The following EPG5 variants were observed in gnomAD, a reference collection of about 807,000 sequenced individuals.
The protein encoded by EPG5 is ectopic P-granules 5 autophagy tethering factor, also known as ectopic P granules protein 5 homolog.
In EPG5, 159 loss-of-function variants were observed where a neutral mutation model predicts 302.7. The observed-to-expected ratio is 0.53, with a 90% confidence interval of 0.46 to 0.60. The LOEUF is 0.60. Among genes scored for constraint, EPG5 ranks in the 20% least tolerant of loss-of-function variants. The pLI, the probability that EPG5 is intolerant of heterozygous loss-of-function variation, is 0.00. For synonymous variants in EPG5, 1,158 were observed against 1,136.8 expected, an observed-to-expected ratio of 1.02 and a Z score of -0.37; for missense variants, 2,896 against 3,092.4, an observed-to-expected ratio of 0.94 and a Z score of 1.51.
intron 9 of EPG5, among the ~76,000 whole-genome samples, chr18:45,941,625 T>A (rs2050670083): frequency 6.6e-6 from 1 of 152,174 alleles, no homozygotes; most frequent in Non-Finnish European, 1.5e-5. Context: ...TAAACAGTGA[T>A]CTTAAAACAG....
At chr18:45,807,174 T>A in the EPG5 span, among the ~76,000 whole-genome samples, 1 of 152,076 alleles carries the variant, frequency 6.6e-6, no homozygotes, top group Non-Finnish European at 1.5e-5. Flanking sequence ...GGAACATAGC[T>A]CCATTGACCT....
intron 23 of EPG5, among the ~76,000 whole-genome samples, chr18:45,908,334 T>C (rs1239982625): frequency 1.3e-5 from 2 of 152,108 alleles, no homozygotes; most frequent in African/African-American, 4.8e-5. Flanking sequence ...ACAACAATTC[T>C]TAAAGTAGAT....
At chr18:45,870,837 G>T in intron 35 of EPG5, 95 bp from the exon 36 acceptor site, 1 of 1,114,172 alleles carries the variant, frequency 9.0e-7, no homozygotes, top group African/African-American at 1.6e-5. Context: ...AAAATCTAAG[G>T]TTCTCATGAT....
At chr18:45,878,494 T>C (rs761469170) in intron 33 of EPG5, 46 bp from the exon 34 acceptor site, 1 of 1,190,856 alleles carries the variant, frequency 8.4e-7, no homozygotes, top group Non-Finnish European at 1.2e-6. Context: ...TTGTCATTTG[T>C]CAATATCACT....
the EPG5 span, chr18:45,829,158 G>T: frequency 4.1e-6 from 4 of 985,472 alleles, no homozygotes; most frequent in Non-Finnish European, 4.8e-6. Flanking sequence ...GGGTCAGCCT[G>T]TGGCCCTGCC....
At position 45,949,729 on chromosome 18, in the gene EPG5, C is replaced by T. The variant is rs576124717; in HGVS notation, c.1390-138G>A. ...GTAACCAGACACAAGATATACTATT[C>T]ACTGATGAGTTTCTACGAGGCCTAC... On this transcript the variant is annotated intron_variant, in intron 4 of 43. Transcript: ENST00000282041. The T allele has an allele frequency of 1.5e-5, 8 of 531,262 alleles. No homozygotes were observed. The African/African-American group carries it at 1.5e-4, about 10-fold the overall frequency. 32.9% of individuals were successfully genotyped at this position (531,262 alleles called of 1,614,324 possible). A position where few individuals can be genotyped will look rare whatever the true frequency, so the allele number is the denominator to read the frequency against.
At chr18:45,825,405 T>C in the EPG5 span, 1 of 453,292 alleles carries the variant, frequency 2.2e-6, no homozygotes, top group South Asian at 3.4e-5. Flanking sequence ...GACAACAGTT[T>C]TCTGTGAGGG....
intron 30 of EPG5, among the ~76,000 whole-genome samples, chr18:45,883,186 G>T (rs925111761): frequency 1.3e-5 from 2 of 152,074 alleles, no homozygotes; most frequent in African/African-American, 4.8e-5. Flanking sequence ...GTTCCTCAGA[G>T]TCTCATACAT....
chr18:45,876,525 T>C (rs2048974696), intron 34 of EPG5, among the ~76,000 whole-genome samples, 183 bp from the exon 35 acceptor site: 1 of 152,226 alleles, frequency 6.6e-6, no homozygotes, highest in Admixed American at 6.5e-5. Context: ...ACCAGCCATA[T>C]AATTTTCTTT....
intron 28 of EPG5, among the ~76,000 whole-genome samples, chr18:45,889,208 C>G (rs547785684): frequency 6.6e-6 from 1 of 152,258 alleles, no homozygotes; most frequent in South Asian, 2.1e-4. Flanking sequence ...CAGAGTCAAC[C>G]CCCACCTCCC....
intron 1 of EPG5, among the ~76,000 whole-genome samples, chr18:45,955,784 T>C (rs757632249): frequency 3.3e-5 from 5 of 152,148 alleles, no homozygotes; most frequent in Non-Finnish European, 7.3e-5. Flanking sequence ...ATAACAATTG[T>C]AGTACTGGAA....
At chr18:45,828,951 C>A in the EPG5 span, 1 of 271,956 alleles carries the variant, frequency 3.7e-6, no homozygotes, top group Non-Finnish European at 5.6e-6. Context: ...GTTTAATGAG[C>A]CAGGGCACTT....
chr18:45,948,464 C>A, intron 6 of EPG5, 39 bp downstream of exon 6: 1 of 1,491,018 alleles, frequency 6.7e-7, no homozygotes, highest in Non-Finnish European at 9.4e-7. Flanking sequence ...AAGAAAGAAG[C>A]ATTTCAATCT....
At chr18:45,836,610 A>G in the EPG5 span, among the ~76,000 whole-genome samples, 1 of 152,196 alleles carries the variant, frequency 6.6e-6, no homozygotes, top group African/African-American at 2.4e-5. Flanking sequence ...CATGGTTCAC[A>G]AGGTGGGGAA....
rs2048418163 is a variant in EPG5 at position 45,851,158 on chromosome 18, AC to A, written c.*1308del. The A allele has an allele frequency of 6.6e-6, 1 of 152,070 alleles. No individual in the cohort carries two copies. The highest frequency in any genetic ancestry group is 2.1e-4 in the South Asian group (1 of 4,802). 9.4% of individuals were successfully genotyped at this position (152,070 alleles called of 1,614,324 possible). On this transcript the variant is annotated 3_prime_UTR_variant, in exon 44 of 44. Coordinates refer to ENST00000282041, the MANE Select transcript of EPG5 (RefSeq NM_020964.3). ...AGCACTCTGTTAACTATATTCCTAT[AC>A]CCCTATAAACATTCTTGGTGGCTGT...
chr18:45,962,905 CT>C, intron 1 of EPG5, among the ~76,000 whole-genome samples: 1 of 152,176 alleles, frequency 6.6e-6, no homozygotes, highest in Non-Finnish European at 1.5e-5. Context: ...AAAGAATTAA[CT>C]TTCTAGATTG....
intron 43 of EPG5, chr18:45,855,361 A>T (rs2048492960): frequency 2.1e-6 from 1 of 477,156 alleles, no homozygotes; most frequent in Non-Finnish European, 3.8e-6. Context: ...ACTTTTCTAC[A>T]ATGACAGTAG....
Position 45,867,595 on chromosome 18 carries a change from A to G in EPG5, c.6379T>C (p.Leu2127=). 1.9e-6 allele frequency: 3 copies of G among 1,614,140 alleles called. No individual in the cohort carries two copies. The highest frequency in any genetic ancestry group is 2.5e-6 in the Non-Finnish European group (3 of 1,180,014). The part of the protein sequence containing the change: ...IVCLLFMMIL[L]AKEVQLVDQT... The stretch of plus-strand genomic sequence containing the variant: ...TCTACCAGTTGAACTTCCTTTGCCA[A>G]TAAAATCATCATGAAAAGGAGGCAG... Residue 2127 remains leucine (L), a synonymous_variant, in exon 37 of 44, where the codon TTG becomes CTG. Coordinates refer to ENST00000282041, the MANE Select transcript of EPG5 (RefSeq NM_020964.3).
intron 3 of EPG5, 112 bp downstream of exon 3, chr18:45,952,288 C>T: frequency 7.5e-7 from 1 of 1,330,880 alleles, no homozygotes; most frequent in East Asian, 2.3e-5. Flanking sequence ...AAACTGCAAG[C>T]ACAAATGGTA....
Sources: allele counts gnomAD v4.1 joint callset (sites outside exome capture counted in the v4.1 genomes callset), GRCh38; gene constraint gnomAD v4.1.1; transcripts MANE v1.5; gene names NCBI Gene and HGNC (gene_info 2026-07-23, HGNC 2026-07-21).